Variants in AUTS2 observed in about 807,000 individuals in gnomAD.
AUTS2 encodes the protein autism susceptibility gene 2 protein.
AUTS2 carries 17 observed loss-of-function variants against 112.4 expected under a neutral mutation model. The ratio of observed to expected loss-of-function variants is 0.15; its 90% confidence interval spans 0.10 to 0.23. The LOEUF (loss-of-function observed/expected upper bound fraction) is 0.23. Among genes scored for constraint, AUTS2 ranks in the 10% least tolerant of loss-of-function variants. The pLI is 1.00. For synonymous variants in AUTS2, 751 were observed against 702.7 expected (o/e 1.07, Z -1.09); for missense variants, 1,510 against 1,701.6 (o/e 0.89, Z 1.98).
intron 1 of AUTS2, among the ~76,000 whole-genome samples, chr7:69,833,632 G>A (rs1217797209): frequency 6.6e-6 from 1 of 151,908 alleles, no homozygotes. Flanking sequence ...TCGGGGTTTC[G>A]CCATATTGGC....
intron 4 of AUTS2, among the ~76,000 whole-genome samples, chr7:70,235,357 T>G (rs576845763): frequency 6.6e-6 from 1 of 152,018 alleles, no homozygotes; most frequent in East Asian, 1.9e-4. Context: ...AGGCTGGTCT[T>G]GAACTCCGGG....
At chr7:70,164,307 A>C (rs982602522) in intron 4 of AUTS2, among the ~76,000 whole-genome samples, 3 of 152,222 alleles carry the variant, frequency 2.0e-5, no homozygotes, top group African/African-American at 7.2e-5. Context: ...ATTATTATTA[A>C]ATGAAGTACA....
At chr7:69,973,786 A>G (rs557953247) in intron 2 of AUTS2, among the ~76,000 whole-genome samples, 8 of 152,202 alleles carry the variant, frequency 5.3e-5, no homozygotes, top group Admixed American at 1.3e-4. Context: ...AAAAAGTTCT[A>G]TTTAGTCAAT....
intron 5 of AUTS2, among the ~76,000 whole-genome samples, chr7:70,688,223 A>C (rs1019879362): frequency 6.6e-6 from 1 of 152,192 alleles, no homozygotes; most frequent in East Asian, 1.9e-4. Context: ...CCGTGTCTTC[A>C]TTCCTCTCAT....
intron 2 of AUTS2, among the ~76,000 whole-genome samples, chr7:70,043,682 T>C (rs1475178485): frequency 6.6e-6 from 1 of 151,382 alleles, no homozygotes; most frequent in African/African-American, 2.4e-5. Flanking sequence ...CAATCTTGGC[T>C]TACCACAACC....
chr7:69,642,211 A>G (rs919041528), intron 1 of AUTS2, among the ~76,000 whole-genome samples: 1 of 152,216 alleles, frequency 6.6e-6, no homozygotes, highest in Admixed American at 6.5e-5. Flanking sequence ...TTTTGGAGCA[A>G]TAAGACTGTC....
chr7:70,157,942 T>C (rs1414290719), intron 4 of AUTS2, among the ~76,000 whole-genome samples: 3 of 152,204 alleles, frequency 2.0e-5, no homozygotes, highest in Admixed American at 6.5e-5. Flanking sequence ...GTGACAGTTA[T>C]CTCTTTCATG....
At chr7:70,584,401 A>G (rs924992377) in intron 5 of AUTS2, among the ~76,000 whole-genome samples, 2 of 152,232 alleles carry the variant, frequency 1.3e-5, no homozygotes, top group African/African-American at 4.8e-5. Context: ...TCGCTCTGTC[A>G]TTAGACTGGA....
intron 5 of AUTS2, among the ~76,000 whole-genome samples, chr7:70,445,553 T>G (rs570491370): frequency 8.5e-5 from 13 of 152,290 alleles, no homozygotes; most frequent in African/African-American, 2.9e-4. Flanking sequence ...GAAGTGGGAC[T>G]TTTTTCTTAT....
At chr7:69,716,528 T>G (rs754842937) in intron 1 of AUTS2, among the ~76,000 whole-genome samples, 1 of 152,190 alleles carries the variant, frequency 6.6e-6, no homozygotes, top group African/African-American at 2.4e-5. Flanking sequence ...TGACACTAGA[T>G]GTGTGGTGGA....
At chr7:69,806,371 T>G (rs1790308714) in intron 1 of AUTS2, among the ~76,000 whole-genome samples, 1 of 151,984 alleles carries the variant, frequency 6.6e-6, no homozygotes, top group South Asian at 2.1e-4. Flanking sequence ...TTGTGTTGAG[T>G]GCTTTGATGT....
chr7:69,834,146 T>TA (rs1240329900), intron 1 of AUTS2, among the ~76,000 whole-genome samples: 1 of 152,182 alleles, frequency 6.6e-6, no homozygotes, highest in Non-Finnish European at 1.5e-5. Flanking sequence ...CCTGCACCTC[T>TA]ACGTCACTCT....
chr7:70,682,075 T>C (rs372634033), intron 5 of AUTS2, among the ~76,000 whole-genome samples: 7 of 152,324 alleles, frequency 4.6e-5, no homozygotes, highest in Admixed American at 2.6e-4. Flanking sequence ...TAAGATCCTC[T>C]TGACTCTGAG....
intron 4 of AUTS2, among the ~76,000 whole-genome samples, chr7:70,333,950 G>A (rs895515600): frequency 6.6e-6 from 1 of 152,120 alleles, no homozygotes; most frequent in Non-Finnish European, 1.5e-5. Context: ...AGAATTTAAA[G>A]TGTAATAATA....
At chr7:70,160,357 A>G (rs1372433656) in intron 4 of AUTS2, among the ~76,000 whole-genome samples, 1 of 152,166 alleles carries the variant, frequency 6.6e-6, no homozygotes, top group East Asian at 1.9e-4. Flanking sequence ...TCTTCCTCCA[A>G]CGTAAATCTT....
chr7:70,211,331 ATTT>A (rs67312947), intron 4 of AUTS2, among the ~76,000 whole-genome samples: 15 of 143,020 alleles, frequency 1.0e-4, no homozygotes, highest in African/African-American at 2.6e-4. Flanking sequence ...ATTTAAAAGA[ATTT>A]TTTTTTTTTT....
intron 4 of AUTS2, among the ~76,000 whole-genome samples, chr7:70,186,688 C>A (rs1457724219): frequency 6.6e-6 from 1 of 152,132 alleles, no homozygotes; most frequent in African/African-American, 2.4e-5. Context: ...CCTGCCTCAG[C>A]CTTCTGAGTA....
intron 5 of AUTS2, among the ~76,000 whole-genome samples, chr7:70,523,167 A>G (rs1243882517): frequency 1.3e-5 from 2 of 152,260 alleles, no homozygotes; most frequent in Non-Finnish European, 1.5e-5. Context: ...GCAAAGCAGC[A>G]TGGCATTAAA....
intron 2 of AUTS2, among the ~76,000 whole-genome samples, chr7:69,905,958 G>A (rs17459271): frequency 0.083 from 12,704 of 152,208 alleles, 610 homozygotes; most frequent in East Asian, 0.13. Flanking sequence ...ATTTCCCAAA[G>A]TAAGAAAATT....
Sources: allele counts gnomAD v4.1 joint callset (sites outside exome capture counted in the v4.1 genomes callset), GRCh38; gene constraint gnomAD v4.1.1; transcripts MANE v1.5; gene names NCBI Gene and HGNC (gene_info 2026-07-23, HGNC 2026-07-21).